Variants in PPP1R1C observed in about 807,000 individuals in gnomAD.
PPP1R1C encodes the protein protein phosphatase 1 regulatory subunit 1C.
In PPP1R1C, 15 loss-of-function variants were observed where a neutral mutation model predicts 17.4. The ratio of observed to expected loss-of-function variants is 0.86; its 90% CI spans 0.58 to 1.33. The LOEUF (loss-of-function observed/expected upper bound fraction) is 1.33, where lower values mean the gene tolerates loss of function less well. PPP1R1C is among the 40% of genes most tolerant of loss of function. The pLI is 0.00. For missense variants in PPP1R1C, 143 were observed against 130.0 expected (o/e 1.10, Z -0.48); for synonymous variants, 35 against 43.1 (o/e 0.81, Z 0.73).
Position 181,961,752 on chromosome 2 carries a change from C to G in PPP1R1C, n.111+7118C>G. On this transcript the variant is annotated intron_variant and non_coding_transcript_variant, in intron 1 of 5. Transcript: ENST00000464264. This position sits in a 1 kb window ranked among gnomAD's most constrained non-coding sequence, Gnocchi z 5.8. ...TATCTGCTATGATCTTGGCAAGGTC[C>G]TGAGATTTGGGGGCATCTACCTCCA... 8.5e-7 allele frequency: 1 copy of G among 1,181,778 alleles called. No homozygotes were observed. The highest frequency in any genetic ancestry group is 2.3e-5 in the East Asian group (1 of 42,792). The allele number at this position is 1,181,778 out of a possible 1,614,324, so 73.2% of individuals were successfully genotyped here.
intron 4 of PPP1R1C, among the ~76,000 whole-genome samples, chr2:182,084,720 T>C (rs1418829405): frequency 6.6e-6 from 1 of 152,108 alleles, no homozygotes; most frequent in Non-Finnish European, 1.5e-5. Context: ...TTGTTCATCT[T>C]ACACAGAGTT....
chr2:182,109,171 T>A (rs1689342087), intron 4 of PPP1R1C, among the ~76,000 whole-genome samples: 1 of 152,236 alleles, frequency 6.6e-6, no homozygotes, highest in South Asian at 2.1e-4. Flanking sequence ...GACCTTTTTT[T>A]TCCATTCTTA....
At chr2:182,070,051 T>C (rs1211357887) in intron 4 of PPP1R1C, among the ~76,000 whole-genome samples, 1 of 152,168 alleles carries the variant, frequency 6.6e-6, no homozygotes, top group Admixed American at 6.5e-5. Context: ...TACAAGTGGA[T>C]AGAGCATAGC....
chr2:182,064,084 A>G (rs1048519873), intron 4 of PPP1R1C: 3 of 339,668 alleles, frequency 8.8e-6, no homozygotes, highest in Non-Finnish European at 1.6e-5. Context: ...TTCCTTAAAG[A>G]GATTTTCCCA....
rs547109793 is a variant in PPP1R1C, at chr2:182,114,960, A to AT, written c.242-2241dup. Among the ~76,000 whole-genome samples, 11 of 152,250 alleles carry AT rather than the reference A, an allele frequency of 7.2e-5. No homozygotes were observed. In the East Asian group the frequency reaches 2.1e-3, roughly 29 times the overall value. On this transcript the variant is annotated intron_variant, in intron 4 of 4. Transcript: ENST00000682840. ...AATGAGTTAAACATCTTAATTACTG[A>AT]TTTTTTCCTTTATATTGAATCCCCT...
intron 1 of PPP1R1C, among the ~76,000 whole-genome samples, chr2:181,987,521 C>T (rs1244596553): frequency 6.6e-6 from 1 of 152,160 alleles, no homozygotes; most frequent in Non-Finnish European, 1.5e-5. Context: ...TCCAAGCAAG[C>T]CACTAACATT....
At chr2:182,123,793 T>A (rs1002869339) in intron 5 of PPP1R1C, among the ~76,000 whole-genome samples, 2 of 152,086 alleles carry the variant, frequency 1.3e-5, no homozygotes, top group African/African-American at 4.8e-5. Context: ...TTTTCTCCCA[T>A]TCTGTAGGTT....
At chr2:182,121,331 T>C (rs1689727817), downstream of PPP1R1C, among the ~76,000 whole-genome samples, 4 of 149,218 alleles carry the variant, frequency 2.7e-5, no homozygotes, top group Admixed American at 2.7e-4. Flanking sequence ...ATAAAATACT[T>C]AGCCAAGCTT....
chr2:181,990,192 G>A (rs1685435144), intron 2 of PPP1R1C, among the ~76,000 whole-genome samples: 2 of 151,722 alleles, frequency 1.3e-5, no homozygotes, highest in Admixed American at 1.3e-4. Context: ...AGGCTTGAGT[G>A]CAGTGGCGCG....
intron 4 of PPP1R1C, among the ~76,000 whole-genome samples, chr2:182,107,321 G>T (rs1263830731): frequency 6.6e-6 from 1 of 152,074 alleles, no homozygotes; most frequent in African/African-American, 2.4e-5. Flanking sequence ...TCTAATCTAG[G>T]TATTAGAATG....
At chr2:182,034,466 T>TGAG (rs1686939841) in intron 2 of PPP1R1C, among the ~76,000 whole-genome samples, 2 of 152,052 alleles carry the variant, frequency 1.3e-5, no homozygotes, top group Admixed American at 1.3e-4. Context: ...ATAACATGTT[T>TGAG]GAGGAACAAA....
chr2:181,977,012 C>T (rs1685102818), intron 2 of PPP1R1C, among the ~76,000 whole-genome samples: 1 of 151,514 alleles, frequency 6.6e-6, no homozygotes, highest in Admixed American at 6.6e-5. Flanking sequence ...GTGACACATG[C>T]CTGTAATCCC....
At chr2:182,076,398 A>C (rs1236514902) in intron 4 of PPP1R1C, among the ~76,000 whole-genome samples, 1 of 151,278 alleles carries the variant, frequency 6.6e-6, no homozygotes, top group African/African-American at 2.4e-5. Flanking sequence ...AATAGAAAAA[A>C]GGGACCAAAA....
At chr2:181,970,971 G>T (rs1187915439) in intron 1 of PPP1R1C, among the ~76,000 whole-genome samples, 1 of 151,910 alleles carries the variant, frequency 6.6e-6, no homozygotes. Context: ...TCAGGCCAGT[G>T]GGCTCCCCTC....
chr2:182,092,433 C>T (rs140964763), intron 4 of PPP1R1C, among the ~76,000 whole-genome samples: 2 of 152,170 alleles, frequency 1.3e-5, no homozygotes, highest in East Asian at 3.9e-4. Context: ...TCATTCAGCC[C>T]CTGGCCCCTC....
In PPP1R1C at chr2:181,977,418, C is replaced by T. The variant is rs1237223496; in HGVS notation, n.157+2154C>T. ...TTTGTTTCCATTTTGTCCTCTTTTCCCCCTTAACATTTGGGTTTATCAGAA... is the reference window on the plus strand; with the variant it reads ...TTTGTTTCCATTTTGTCCTCTTTTCTCCCTTAACATTTGGGTTTATCAGAA... On this transcript the variant is annotated intron_variant and non_coding_transcript_variant, in intron 2 of 5. Coordinates refer to the PPP1R1C transcript ENST00000464264. 2.6e-5 allele frequency among the ~76,000 whole-genome samples: 4 copies of T among 151,878 alleles called. No individual in the cohort carries two copies. In the East Asian group the frequency reaches 5.8e-4, roughly 22 times the overall value.
At chr2:182,078,072 C>T (rs2125210532) in intron 4 of PPP1R1C, among the ~76,000 whole-genome samples, 1 of 152,168 alleles carries the variant, frequency 6.6e-6, no homozygotes, top group East Asian at 1.9e-4. Context: ...CCCAGCTACT[C>T]CGGAGTCTGA....
At chr2:182,029,290 G>A (rs1355912668) in intron 2 of PPP1R1C, among the ~76,000 whole-genome samples, 1 of 151,740 alleles carries the variant, frequency 6.6e-6, no homozygotes, top group Non-Finnish European at 1.5e-5. Flanking sequence ...GTTAGTTGAT[G>A]CAGTTTCTTC....
chr2:182,089,531 AT>A (rs1232832745), intron 4 of PPP1R1C, among the ~76,000 whole-genome samples: 1 of 152,182 alleles, frequency 6.6e-6, no homozygotes, highest in Non-Finnish European at 1.5e-5. Flanking sequence ...TATATCTTCA[AT>A]AATCATAATT....
Sources: allele counts gnomAD v4.1 joint callset (sites outside exome capture counted in the v4.1 genomes callset), GRCh38; gene constraint gnomAD v4.1.1; non-coding constraint Gnocchi (gnomAD v3.1); transcripts MANE v1.5; gene names NCBI Gene and HGNC (gene_info 2026-07-23, HGNC 2026-07-21).